ASCC3: variants seen among roughly 807,000 people sequenced by gnomAD.
The protein encoded by ASCC3 is ASC-1 complex subunit P200.
Under a neutral mutation model 256.3 loss-of-function variants are expected in ASCC3, and 158 were observed. That is an observed-to-expected ratio of 0.62 (90% CI 0.54 to 0.70). The LOEUF (loss-of-function observed/expected upper bound fraction) is 0.70, where lower values mean the gene tolerates loss of function less well. Ranked by LOEUF, ASCC3 falls within the 30% of genes least tolerant of loss-of-function variation. ASCC3 has a pLI of 0.00. For missense variants in ASCC3, 2,259 were observed against 2,626.0 expected (o/e 0.86, Z 3.05); for synonymous variants, 948 against 883.4 (o/e 1.07, Z -1.30).
chr6:100,849,673 CTG>C (rs1430584094), intron 3 of ASCC3, among the ~76,000 whole-genome samples: 9 of 152,054 alleles, frequency 5.9e-5, no homozygotes, highest in Non-Finnish European at 8.8e-5. Flanking sequence ...AAAAAAGAAT[CTG>C]TATTTCTGAC....
At chr6:100,826,056 T>C (rs1021307379) in intron 4 of ASCC3, among the ~76,000 whole-genome samples, 2 of 152,006 alleles carry the variant, frequency 1.3e-5, no homozygotes, top group Admixed American at 6.6e-5. Context: ...AAACTCAATA[T>C]GCAGTCAAAC....
intron 14 of ASCC3, among the ~76,000 whole-genome samples, chr6:100,669,747 C>T (rs117820597): frequency 6.6e-6 from 1 of 151,584 alleles, no homozygotes; most frequent in Non-Finnish European, 1.5e-5. Context: ...ATCAATGACA[C>T]AGAAGAGAAA....
intron 36 of ASCC3, among the ~76,000 whole-genome samples, chr6:100,588,157 G>T (rs1173770607): frequency 1.3e-5 from 2 of 152,120 alleles, no homozygotes. Flanking sequence ...TGGGAATAAT[G>T]ATGGGATGTT....
intron 3 of ASCC3, chr6:100,858,281 G>A: frequency 1.9e-6 from 1 of 526,938 alleles, no homozygotes; most frequent in Non-Finnish European, 2.4e-6. Flanking sequence ...TGTGAAAAAT[G>A]GAAAAGTTTT....
intron 36 of ASCC3, among the ~76,000 whole-genome samples, chr6:100,575,956 C>T (rs1267357547): frequency 6.6e-6 from 1 of 152,072 alleles, no homozygotes. Context: ...CTCTGGACTT[C>T]GGATTTCAGT....
At chr6:100,879,158 AG>A (rs1467253260) in intron 1 of ASCC3, among the ~76,000 whole-genome samples, 4 of 152,224 alleles carry the variant, frequency 2.6e-5, no homozygotes, top group African/African-American at 9.7e-5. Context: ...TACATAGGAT[AG>A]GGTAATTTAT....
intron 36 of ASCC3, among the ~76,000 whole-genome samples, chr6:100,571,348 C>T (rs1212507203): frequency 6.6e-6 from 1 of 152,140 alleles, no homozygotes; most frequent in Non-Finnish European, 1.5e-5. Flanking sequence ...ATAAACTATC[C>T]TATTAATAAC....
At chr6:100,752,184 T>C (rs934783440) in intron 10 of ASCC3, among the ~76,000 whole-genome samples, 3 of 152,156 alleles carry the variant, frequency 2.0e-5, no homozygotes, top group African/African-American at 7.2e-5. Flanking sequence ...AGTTTCTCTT[T>C]TTAATCCAAC....
At chr6:100,729,552 A>T (rs1779802119) in intron 10 of ASCC3, among the ~76,000 whole-genome samples, 1 of 152,178 alleles carries the variant, frequency 6.6e-6, no homozygotes. Context: ...GAGAATATAT[A>T]TCTGGCTTAA....
chr6:100,539,827 T>C (rs765691836), intron 37 of ASCC3, among the ~76,000 whole-genome samples: 5 of 152,194 alleles, frequency 3.3e-5, no homozygotes, highest in Non-Finnish European at 4.4e-5. Flanking sequence ...TATTAATTTA[T>C]ATTTTAAATT....
chr6:100,744,713 C>A (rs1780584390), intron 10 of ASCC3, among the ~76,000 whole-genome samples: 2 of 151,996 alleles, frequency 1.3e-5, no homozygotes, highest in South Asian at 2.1e-4. Context: ...CATATACACT[C>A]TGATTTTTCC....
chr6:100,813,739 T>C (rs1246308582), intron 4 of ASCC3, among the ~76,000 whole-genome samples: 3 of 151,782 alleles, frequency 2.0e-5, no homozygotes. Context: ...AATTCAACAA[T>C]AACAGTCGGA....
chr6:100,775,905 A>G (rs1005193967), intron 8 of ASCC3, among the ~76,000 whole-genome samples: 2 of 152,038 alleles, frequency 1.3e-5, no homozygotes, highest in African/African-American at 4.8e-5. Context: ...TGTGTTTGTA[A>G]GCTATTGGAA....
At chr6:100,543,280 CAAAGA>C (rs1310139903) in intron 36 of ASCC3, among the ~76,000 whole-genome samples, 1 of 152,004 alleles carries the variant, frequency 6.6e-6, no homozygotes, top group Non-Finnish European at 1.5e-5. Flanking sequence ...ATAATGGCAA[CAAAGA>C]AAAGTCTATA....
chr6:100,638,946 CT>C, intron 24 of ASCC3, 125 bp from the exon 25 acceptor site: 1 of 778,432 alleles, frequency 1.3e-6, no homozygotes, highest in Non-Finnish European at 2.2e-6. Flanking sequence ...AACACAAACT[CT>C]TATATACCCA....
chr6:100,869,336 TC>T (rs1284784675), intron 1 of ASCC3, among the ~76,000 whole-genome samples: 1 of 152,204 alleles, frequency 6.6e-6, no homozygotes, highest in Admixed American at 6.5e-5. Context: ...CTCCTGCTGT[TC>T]CTCTTGACTA....
chr6:100,598,419 AATT>A (rs1772427417), intron 34 of ASCC3, among the ~76,000 whole-genome samples: 1 of 152,170 alleles, frequency 6.6e-6, no homozygotes, highest in Non-Finnish European at 1.5e-5. Flanking sequence ...AGACATCCTA[AATT>A]GCTAATACCC....
intron 36 of ASCC3, among the ~76,000 whole-genome samples, chr6:100,548,149 G>A (rs1458503966): frequency 6.6e-6 from 1 of 151,822 alleles, no homozygotes; most frequent in East Asian, 1.9e-4. Context: ...ACCTAGGGGA[G>A]TGGTCATGGT....
chr6:100,600,985 C>CA (rs919833790), intron 34 of ASCC3, among the ~76,000 whole-genome samples: 2 of 152,122 alleles, frequency 1.3e-5, no homozygotes, highest in Non-Finnish European at 2.9e-5. Context: ...GTAGTCAAGA[C>CA]AATCTTGTCT....
Sources: gnomAD v4.1 joint callset for allele counts (sites outside exome capture counted in the v4.1 genomes callset) on GRCh38, gnomAD v4.1.1 for gene constraint, MANE v1.5 for transcripts, NCBI Gene and HGNC (gene_info 2026-07-23, HGNC 2026-07-21) for gene names.